Variants in MGAT4C observed in about 807,000 individuals in gnomAD.
MGAT4C encodes the protein MGAT4 family member C, also known as alpha-1,3-mannosyl-glycoprotein 4-beta-N-acetylglucosaminyltransferase C.
A neutral mutation model predicts 40.1 loss-of-function variants in MGAT4C; 19 were observed. That is an observed-to-expected ratio of 0.47 (90% confidence interval 0.33 to 0.70). The LOEUF is 0.70. MGAT4C is among the 30% of genes least tolerant of loss of function. The pLI, the probability that MGAT4C is intolerant of heterozygous loss-of-function variation, is 0.02. For synonymous variants in MGAT4C, 181 were observed against 187.1 expected (o/e 0.97, Z 0.27); for missense variants, 491 against 563.2 (o/e 0.87, Z 1.30).
chr12:86,110,268 C>CTATATAGTCTATATATATATAGTCTA (rs1877032918), intron 1 of MGAT4C, among the ~76,000 whole-genome samples: 7 of 22,308 alleles, frequency 3.1e-4, no homozygotes, highest in African/African-American at 1.3e-3. Context: ...TATATATAGA[C>CTATATAGTCTATATATATATAGTCTA]TATATATATA....
intron 1 of MGAT4C, among the ~76,000 whole-genome samples, chr12:86,098,788 A>T (rs991679075): frequency 6.6e-6 from 1 of 151,626 alleles, no homozygotes; most frequent in Admixed American, 6.6e-5. Context: ...AATAACTTAA[A>T]ATTATTGCAC....
intron 1 of MGAT4C, among the ~76,000 whole-genome samples, chr12:86,241,532 T>C (rs145488345): frequency 1.8e-4 from 28 of 152,308 alleles, no homozygotes; most frequent in Non-Finnish European, 3.1e-4. Flanking sequence ...GTTTGATAGC[T>C]TGTAATTCAT....
chr12:86,285,222 A>G (rs938135690), intron 4 of MGAT4C, among the ~76,000 whole-genome samples: 1 of 151,952 alleles, frequency 6.6e-6, no homozygotes, highest in African/African-American at 2.4e-5. Flanking sequence ...TTGCTGTAGG[A>G]ATGAAGGGTG....
At chr12:86,767,818 C>A (rs538146363) in intron 1 of MGAT4C, among the ~76,000 whole-genome samples, 2 of 150,032 alleles carry the variant, frequency 1.3e-5, no homozygotes, top group Admixed American at 6.6e-5. Flanking sequence ...ATTCAACAAC[C>A]CTTCATGCTA....
At position 86,786,281 on chromosome 12, in the gene MGAT4C, A is replaced by C. The variant is rs1170777589; in HGVS notation, c.-262+52385T>G. Among the ~76,000 whole-genome samples the C allele has an allele frequency of 2.0e-5, 3 of 152,156 alleles. No individual in the cohort carries two copies. In the East Asian group the frequency reaches 5.8e-4, roughly 29 times the overall value. ...TTGGTTGTATCTGTAGGTTTCTAAC[A>C]AAAGAAATCTGCTAGAAATCTGTTA... On this transcript the variant is annotated intron_variant, in intron 1 of 7. Coordinates refer to the MGAT4C transcript ENST00000548651.
chr12:86,458,841 C>T (rs920441645), intron 2 of MGAT4C, among the ~76,000 whole-genome samples: 4 of 152,002 alleles, frequency 2.6e-5, no homozygotes, highest in African/African-American at 9.7e-5. Context: ...TTATGAACAC[C>T]AATGCCAGGT....
intron 1 of MGAT4C, among the ~76,000 whole-genome samples, chr12:86,210,877 G>A (rs912858681): frequency 6.6e-6 from 1 of 152,054 alleles, no homozygotes; most frequent in Non-Finnish European, 1.5e-5. Context: ...ACAGATTTCA[G>A]ATCTTTGCTA....
At chr12:86,735,457 G>T (rs1214172068) in intron 1 of MGAT4C, among the ~76,000 whole-genome samples, 1 of 151,848 alleles carries the variant, frequency 6.6e-6, no homozygotes, top group Non-Finnish European at 1.5e-5. Context: ...AAATCTGATG[G>T]TTAAAGCTTA....
chr12:86,046,968 A>G (rs1261691996), intron 2 of MGAT4C, among the ~76,000 whole-genome samples: 1 of 152,218 alleles, frequency 6.6e-6, no homozygotes, highest in Non-Finnish European at 1.5e-5. Context: ...TCATAAAAAT[A>G]TACTATCTCT....
intron 3 of MGAT4C, among the ~76,000 whole-genome samples, chr12:86,432,311 T>C (rs565880213): frequency 6.6e-6 from 1 of 152,000 alleles, no homozygotes; most frequent in Admixed American, 6.6e-5. Flanking sequence ...AAAAAACCTT[T>C]GAGATGTTTC....
intron 1 of MGAT4C, among the ~76,000 whole-genome samples, chr12:86,112,680 A>G (rs1592972855): frequency 1.3e-5 from 2 of 151,950 alleles, no homozygotes; most frequent in Admixed American, 1.3e-4. Flanking sequence ...TAAAAGTTTG[A>G]CAATTAGGGA....
At chr12:86,433,312 G>T (rs1207430962) in intron 3 of MGAT4C, among the ~76,000 whole-genome samples, 2 of 149,474 alleles carry the variant, frequency 1.3e-5, no homozygotes, top group African/African-American at 2.4e-5. Context: ...GTATGTGTGT[G>T]CATACATACA....
intron 1 of MGAT4C, among the ~76,000 whole-genome samples, chr12:86,758,427 G>T (rs1237519921): frequency 1.4e-5 from 2 of 146,774 alleles, no homozygotes; most frequent in African/African-American, 5.1e-5. Context: ...TATTTACTTA[G>T]CACAATTCTT....
intron 4 of MGAT4C, among the ~76,000 whole-genome samples, chr12:85,982,400 G>A (rs572772659): frequency 1.3e-5 from 2 of 152,250 alleles, no homozygotes; most frequent in African/African-American, 4.8e-5. Flanking sequence ...TGTTGGCCAG[G>A]CTTGTCTTGA....
intron 1 of MGAT4C, among the ~76,000 whole-genome samples, chr12:86,226,090 A>G (rs973462476): frequency 2.0e-5 from 3 of 151,764 alleles, no homozygotes; most frequent in Non-Finnish European, 4.4e-5. Flanking sequence ...TATTTTACCC[A>G]TAGCTACTGG....
intron 1 of MGAT4C, among the ~76,000 whole-genome samples, chr12:86,139,807 ACTTTATATTCAT>A (rs1882573306): frequency 6.6e-6 from 1 of 152,194 alleles, no homozygotes; most frequent in Non-Finnish European, 1.5e-5. Context: ...ATTTGTATCA[ACTTTATATTCAT>A]AATCCTACCT....
At chr12:86,838,562 G>C (rs1484614366) in intron 1 of MGAT4C, 1 of 152,152 alleles carries the variant, frequency 6.6e-6, no homozygotes, top group Non-Finnish European at 1.5e-5. Context: ...AGTCCATACA[G>C]ACTACTTAAC....
intron 2 of MGAT4C, among the ~76,000 whole-genome samples, chr12:86,632,165 T>TC (rs1428050386): frequency 6.6e-6 from 1 of 152,088 alleles, no homozygotes; most frequent in East Asian, 1.9e-4. Context: ...ATGCTCATCA[T>TC]CACTGGTCAT....
At position 86,676,272 on chromosome 12, in the gene MGAT4C, C is replaced by T. The variant is rs2114892; in HGVS notation, c.-229+50937G>A. Among the ~76,000 whole-genome samples, 337 of 152,156 alleles carry T rather than the reference C, an allele frequency of 2.2e-3. 4 individuals are homozygous for T. Among genetic ancestry groups the T allele is most frequent in the Admixed American group, 0.017 (261 of 15,256 alleles). Reference sequence around the variant, plus strand: ...AGGATATTTAGGGAAATTTCAAGTACGCAGTTCAATATGAGTGCCCTGTAG... The same window carrying T: ...AGGATATTTAGGGAAATTTCAAGTATGCAGTTCAATATGAGTGCCCTGTAG... On this transcript the variant is annotated intron_variant, in intron 2 of 7. Coordinates refer to the MGAT4C transcript ENST00000548651.
Sources: gnomAD v4.1 joint callset for allele counts (sites outside exome capture counted in the v4.1 genomes callset) on GRCh38, gnomAD v4.1.1 for gene constraint, MANE v1.5 for transcripts, NCBI Gene and HGNC (gene_info 2026-07-23, HGNC 2026-07-21) for gene names.